CYP4F22: variants seen among roughly 807,000 people sequenced by gnomAD.
CYP4F22 encodes the protein cytochrome P450 family 4 subfamily F member 22, also known as ultra-long-chain fatty acid omega-hydroxylase.
Under a neutral mutation model 60.4 loss-of-function variants are expected in CYP4F22, and 37 were observed. The ratio of observed to expected loss-of-function variants is 0.61; its 90% CI spans 0.47 to 0.81. The LOEUF (loss-of-function observed/expected upper bound fraction) is 0.81, where lower values mean the gene tolerates loss of function less well. CYP4F22 is among the 30% of genes least tolerant of loss of function. The probability of loss-of-function intolerance (pLI) is 0.00; values close to 1 mark genes in which losing one functional copy is unlikely to be tolerated. For synonymous variants in CYP4F22, 258 were observed against 280.5 expected (o/e 0.92, Z 0.80); for missense variants, 655 against 715.0 (o/e 0.92, Z 0.96).
In CYP4F22 at chr19:15,551,595, C is replaced by A; in HGVS notation, c.*124C>A. The A allele has an allele frequency of 1.6e-6, 2 of 1,217,656 alleles. No individual in the cohort carries two copies. Among genetic ancestry groups the A allele is most frequent in the Non-Finnish European group, 2.3e-6 (2 of 882,842 alleles). 75.4% of individuals were successfully genotyped at this position (1,217,656 alleles called of 1,614,324 possible). A position where few individuals can be genotyped will look rare whatever the true frequency, so the allele number is the denominator to read the frequency against. The stretch of plus-strand genomic sequence containing the variant: ...AAGTTCAGGTTCAGCTCCTGGATGA[C>A]CAGGCACCGCTGTTGAGCAGCCTGG... On this transcript the variant is annotated 3_prime_UTR_variant, in exon 14 of 14. Coordinates refer to ENST00000269703, the MANE Select transcript of CYP4F22 (RefSeq NM_173483.4).
At chr19:15,531,433 C>T (rs186216375) in intron 4 of CYP4F22, among the ~76,000 whole-genome samples, 247 of 151,466 alleles carry the variant, frequency 1.6e-3, no homozygotes, top group Middle Eastern at 3.4e-3. Context: ...GATCTCTGTC[C>T]CAGCTTTGCC....
chr19:15,551,506 G>C lies in CYP4F22; in HGVS notation c.*35G>C. 1 of 1,542,374 alleles carries C rather than the reference G, an allele frequency of 6.5e-7. No homozygotes were observed. Among genetic ancestry groups the C allele is most frequent in the East Asian group, 2.5e-5 (1 of 40,788 alleles). ...CGCCCCTGCGGCTCCCGAGGGTCCA[G>C]GCCCCGCCCCCAAAGGACCAGGACT... On this transcript the variant is annotated 3_prime_UTR_variant, in exon 14 of 14. Transcript: ENST00000269703.
At chr19:15,531,799 C>T (rs1232025134) in intron 4 of CYP4F22, among the ~76,000 whole-genome samples, 1 of 151,996 alleles carries the variant, frequency 6.6e-6, no homozygotes, top group Non-Finnish European at 1.5e-5. Context: ...GTTGTGAAGC[C>T]TGAATAATAT....
chr19:15,525,370 C>T lies in CYP4F22; in HGVS notation c.34C>T (p.Leu12=), dbSNP rs199675676. Residue 12 remains leucine (L), a synonymous_variant, in exon 3 of 14, where the codon CTG becomes TTG. Transcript: ENST00000269703. ...CATCACAGACCGCCTGCTGCACCTCCTGGGGCTGGAGAAGACGGCGTTCCG... is the reference window on the plus strand; with the variant it reads ...CATCACAGACCGCCTGCTGCACCTCTTGGGGCTGGAGAAGACGGCGTTCCG... ...LPITDRLLHL[L]GLEKTAFRIY... is the part of the protein sequence containing the mutation. The T allele has an allele frequency of 6.8e-5, 109 of 1,614,030 alleles. No homozygotes were observed. The highest frequency in any genetic ancestry group is 1.6e-5 in the Non-Finnish European group (19 of 1,180,038).
intron 1 of CYP4F22, among the ~76,000 whole-genome samples, chr19:15,522,147 G>GA (rs5827288): frequency 0.018 from 1,504 of 82,818 alleles, 27 homozygotes; most frequent in African/African-American, 0.057. Context: ...CTTTGTCTCA[G>GA]AAAAAAAAAA....
Position 15,551,444 on chromosome 19 carries a change from G to C in CYP4F22, c.1569G>C (p.Lys523Asn). The change falls in exon 14 of 14, where the codon AAG becomes AAC. Residue 523 changes from lysine (K) to asparagine (N), a missense_variant. Lys to Asn is a moderately conservative substitution (Grantham distance 94). Coordinates refer to ENST00000269703, the MANE Select transcript of CYP4F22 (RefSeq NM_173483.4). Reference protein sequence around the residue: ...ILRTENGLWLKVEPLPPRA With the variant: ...ILRTENGLWLNVEPLPPRA ...GCACGGAGAACGGGCTCTGGCTCAA[G>C]GTGGAGCCGCTGCCTCCGCGGGCCT... is the stretch of plus-strand genomic sequence containing the variant. 6.4e-7 allele frequency: 1 copy of C among 1,574,578 alleles called. No homozygotes were observed. The highest frequency in any genetic ancestry group is 8.6e-7 in the Non-Finnish European group (1 of 1,160,602).
intron 4 of CYP4F22, among the ~76,000 whole-genome samples, chr19:15,533,027 G>A (rs1971360114): frequency 6.6e-6 from 1 of 152,122 alleles, no homozygotes; most frequent in African/African-American, 2.4e-5. Context: ...GACCTCCTGG[G>A]GCCACACCTG....
intron 8 of CYP4F22, 94 bp from the exon 9 acceptor site, chr19:15,543,877 A>ATG: frequency 8.3e-7 from 1 of 1,202,868 alleles, no homozygotes. Flanking sequence ...AAAAAAAAAA[A>ATG]GATGGGGGCG....
chr19:15,529,717 A>C lies in CYP4F22; in HGVS notation c.231A>C (p.Pro77=), dbSNP rs1250579096. 1 of 1,614,148 alleles carries C rather than the reference A, an allele frequency of 6.2e-7. No individual in the cohort carries two copies. Among genetic ancestry groups the C allele is most frequent in the Non-Finnish European group, 8.5e-7 (1 of 1,180,030 alleles). Residue 77 remains proline, a synonymous_variant, in exon 4 of 14, where the codon CCA becomes CCC. Transcript: ENST00000269703. ...WLLGHLGMYL[P]NEAGLQDEKK... ...TCCCTTACCTCTTGCAGTACCTTCC[A>C]AATGAGGCGGGCCTTCAAGATGAGA...
In CYP4F22 at chr19:15,526,347, C is replaced by T. The variant is rs140561624; in HGVS notation, c.222+789C>T. On this transcript the variant is annotated intron_variant, in intron 3 of 13. Coordinates refer to ENST00000269703, the MANE Select transcript of CYP4F22 (RefSeq NM_173483.4). ...CTGTGGTCCTAGGTGAGGACTCTTA[C>T]CCTTTTATTGCATTGAATTTTTTTC... Among the ~76,000 whole-genome samples, 131 of 152,256 alleles carry T rather than the reference C, an allele frequency of 8.6e-4. 5 individuals are homozygous for T. The East Asian group carries it at 0.014, about 17-fold the overall frequency.
chr19:15,511,941 C>G (rs1417352218), intron 1 of CYP4F22, among the ~76,000 whole-genome samples: 1 of 152,192 alleles, frequency 6.6e-6, no homozygotes, highest in South Asian at 2.1e-4. Context: ...AATGCGGGCC[C>G]TGGCAGGGCA....
rs1162465828 is a variant in CYP4F22, at chr19:15,548,002, AGTGTGTGT to A, written c.1137-65_1137-58del. The A allele has an allele frequency of 6.4e-3, 2,339 of 365,830 alleles. 89 individuals are homozygous for A. The highest frequency in any genetic ancestry group is 0.035 in the African/African-American group (900 of 25,862). 22.7% of individuals were successfully genotyped at this position (365,830 alleles called of 1,614,324 possible). A position where few individuals can be genotyped will look rare whatever the true frequency, so the allele number is the denominator to read the frequency against. ...GAGAGAGAGAGAGAGAGAGGGAGAG[AGTGTGTGT>A]GTGTGTGTGTGTGTGTGTGTGTGTG... On this transcript the variant is annotated intron_variant, in intron 10 of 13. Transcript: ENST00000269703.
rs1971594584 is a variant in CYP4F22, at chr19:15,551,408, G to T, written c.1533G>T (p.Glu511Asp). Residue 511 changes from glutamate (E) to aspartate (D), a missense_variant, in exon 14 of 14, where the codon GAG (glutamate) becomes GAT (aspartate). This residue lies in a region of CYP4F22 where 151 missense variants were observed against 139.4 expected (regional missense o/e 1.08). Coordinates refer to ENST00000269703, the MANE Select transcript of CYP4F22 (RefSeq NM_173483.4). ...CGCGCAAGGTGCGGCGGAAGCCGGA[G>T]CTCATACTGCGCACGGAGAACGGGC... ...DRTRKVRRKP[E>D]LILRTENGLW... 1.9e-6 allele frequency: 3 copies of T among 1,600,794 alleles called. No individual in the cohort carries two copies.
intron 1 of CYP4F22, among the ~76,000 whole-genome samples, chr19:15,510,967 T>TATATATATATATATATA (rs374989279): frequency 3.0e-4 from 16 of 52,706 alleles, no homozygotes; most frequent in Admixed American, 4.2e-4. Context: ...TATATATATA[T>TATATATATATATATATA]TTTTTTTTTT....
intron 10 of CYP4F22, among the ~76,000 whole-genome samples, chr19:15,547,905 C>T (rs561516298): frequency 1.3e-5 from 2 of 151,174 alleles, no homozygotes; most frequent in East Asian, 3.9e-4. Context: ...CATGAGACAA[C>T]TGCAAATGGC....
chr19:15,544,373 A>G, intron 10 of CYP4F22, 94 bp downstream of exon 10: 1 of 1,462,682 alleles, frequency 6.8e-7, no homozygotes, highest in African/African-American at 1.4e-5. Context: ...GTGTGACCTC[A>G]GACAAGCCAC....
Position 15,524,442 on chromosome 19 carries a change from G to A in CYP4F22, c.-2+643G>A, listed in dbSNP as rs186111619. On this transcript the variant is annotated intron_variant, in intron 2 of 13. Coordinates refer to ENST00000269703, the MANE Select transcript of CYP4F22 (RefSeq NM_173483.4). ...AGGCGGGAGGATCGCTTGAGCCCAGGAGTTCGAGACCAGCCTGGGCAACAT... is the reference window on the plus strand; with the variant it reads ...AGGCGGGAGGATCGCTTGAGCCCAGAAGTTCGAGACCAGCCTGGGCAACAT... 2.6e-5 allele frequency among the ~76,000 whole-genome samples: 4 copies of A among 152,240 alleles called. No homozygotes were observed. The East Asian group carries it at 7.7e-4, about 29-fold the overall frequency.
intron 2 of CYP4F22, 77 bp from the exon 3 acceptor site, chr19:15,525,259 A>G: frequency 7.1e-7 from 1 of 1,418,072 alleles, no homozygotes; most frequent in South Asian, 1.2e-5. Context: ...CCTTCTGTGC[A>G]CTAGGCACAC....
At chr19:15,544,808 C>T (rs972203872) in intron 10 of CYP4F22, among the ~76,000 whole-genome samples, 6 of 152,144 alleles carry the variant, frequency 3.9e-5, no homozygotes, top group Non-Finnish European at 8.8e-5. Flanking sequence ...CGCCTGTAAT[C>T]CCAGCATTTT....
Sources: allele counts gnomAD v4.1 joint callset (sites outside exome capture counted in the v4.1 genomes callset), GRCh38; gene constraint gnomAD v4.1.1; regional missense constraint gnomAD v4.1.1; transcripts MANE v1.5; gene names NCBI Gene and HGNC (gene_info 2026-07-23, HGNC 2026-07-21).